Variants in THSD7B observed in about 807,000 individuals in gnomAD.
THSD7B encodes the protein thrombospondin type-1 domain-containing protein 7B.
A neutral mutation model predicts 213.6 loss-of-function variants in THSD7B; 138 were observed. That is an observed-to-expected ratio of 0.65 (90% CI 0.56 to 0.74). The LOEUF is 0.74. Ranked by LOEUF, THSD7B falls within the 30% of genes least tolerant of loss-of-function variation. THSD7B has a pLI of 0.00. For synonymous variants in THSD7B, 742 were observed against 687.0 expected (o/e 1.08, Z -1.25); for missense variants, 1,931 against 1,991.5 (o/e 0.97, Z 0.58).
chr2:136,852,954 C>A (rs1432256002), intron 1 of THSD7B, among the ~76,000 whole-genome samples: 2 of 152,164 alleles, frequency 1.3e-5, no homozygotes, highest in Non-Finnish European at 2.9e-5. Context: ...GAAAGTACTT[C>A]TGCCTTCCTA....
At chr2:137,557,196 T>C (rs1573706475) in intron 15 of THSD7B, among the ~76,000 whole-genome samples, 1 of 152,310 alleles carries the variant, frequency 6.6e-6, no homozygotes, top group Non-Finnish European at 1.5e-5. Flanking sequence ...GCAGACCTAA[T>C]AGACATCTAC....
chr2:137,121,534 TAGAAC>T, intron 5 of THSD7B, among the ~76,000 whole-genome samples: 1 of 152,192 alleles, frequency 6.6e-6, no homozygotes, highest in African/African-American at 2.4e-5. Context: ...ATGAATGACC[TAGAAC>T]TAGATATGAA....
At chr2:137,478,805 A>G (rs1428354442) in intron 15 of THSD7B, among the ~76,000 whole-genome samples, 1 of 152,114 alleles carries the variant, frequency 6.6e-6, no homozygotes, top group Non-Finnish European at 1.5e-5. Context: ...TATAGTTTTC[A>G]TATGATTTAT....
chr2:137,527,670 T>C (rs1192737977), intron 15 of THSD7B, among the ~76,000 whole-genome samples: 2 of 152,030 alleles, frequency 1.3e-5, no homozygotes, highest in Non-Finnish European at 2.9e-5. Flanking sequence ...GGCTCCCACA[T>C]AGACAATCAG....
intron 2 of THSD7B, among the ~76,000 whole-genome samples, chr2:136,889,059 TGAG>T (rs1367037169): frequency 2.6e-5 from 4 of 152,062 alleles, no homozygotes; most frequent in Admixed American, 6.6e-5. Flanking sequence ...TAGTATATAT[TGAG>T]GAGAGGATAT....
intron 9 of THSD7B, among the ~76,000 whole-genome samples, chr2:137,235,314 C>G (rs1345638304): frequency 6.6e-6 from 1 of 152,100 alleles, no homozygotes; most frequent in African/African-American, 2.4e-5. Flanking sequence ...ATGCAGCAAA[C>G]TATTATTCTT....
At chr2:137,262,761 C>G (rs372851318) in intron 10 of THSD7B, among the ~76,000 whole-genome samples, 1 of 152,070 alleles carries the variant, frequency 6.6e-6, no homozygotes, top group East Asian at 1.9e-4. Flanking sequence ...TGTGCTAAAT[C>G]GGTGGTTCTC....
chr2:136,883,804 A>G (rs1263066650), intron 2 of THSD7B, among the ~76,000 whole-genome samples: 4 of 152,178 alleles, frequency 2.6e-5, no homozygotes, highest in Admixed American at 2.0e-4. Flanking sequence ...AAGTTTCAGA[A>G]GTGAGGATCC....
chr2:137,037,113 T>C (rs1573781038), intron 2 of THSD7B, among the ~76,000 whole-genome samples: 1 of 152,168 alleles, frequency 6.6e-6, no homozygotes, highest in Non-Finnish European at 1.5e-5. Context: ...GACTAAGTCC[T>C]TTTTTTCCCC....
At chr2:137,537,077 A>G (rs1200517432) in intron 15 of THSD7B, among the ~76,000 whole-genome samples, 1 of 151,828 alleles carries the variant, frequency 6.6e-6, no homozygotes, top group Admixed American at 6.6e-5. Context: ...TACAAAAAAA[A>G]GAGTGAAGCA....
chr2:137,316,919 G>T (rs1684125116), intron 12 of THSD7B, among the ~76,000 whole-genome samples: 1 of 152,120 alleles, frequency 6.6e-6, no homozygotes, highest in Non-Finnish European at 1.5e-5. Flanking sequence ...ACTCCCAGCA[G>T]ATAATTAAGG....
chr2:137,253,854 C>T (rs376283597), intron 10 of THSD7B, among the ~76,000 whole-genome samples: 6 of 151,836 alleles, frequency 4.0e-5, no homozygotes, highest in African/African-American at 1.5e-4. Flanking sequence ...GTGTGGTTTC[C>T]GGAGGTTTTT....
At chr2:136,997,939 G>A (rs191692083) in intron 2 of THSD7B, among the ~76,000 whole-genome samples, 5 of 152,186 alleles carry the variant, frequency 3.3e-5, no homozygotes, top group Admixed American at 6.5e-5. Context: ...GCTACCAAGG[G>A]CAAAGGTAAG....
Position 137,240,588 on chromosome 2 carries a change from G to A in THSD7B, c.2151-1869G>A, listed in dbSNP as rs1482895414. On this transcript the variant is annotated intron_variant, in intron 9 of 27. Coordinates refer to ENST00000409968, the MANE Select transcript of THSD7B (RefSeq NM_001316349.2). ...TGCAGGGGTATGATCATAGCTTACT[G>A]CAGCCTTGAACTCCTGGGTTTCAGT... 3.9e-5 allele frequency among the ~76,000 whole-genome samples: 6 copies of A among 151,996 alleles called. No individual in the cohort carries two copies. The East Asian group carries it at 1.2e-3, about 30-fold the overall frequency.
chr2:137,083,259 A>C (rs1413803089), intron 3 of THSD7B, among the ~76,000 whole-genome samples: 1 of 152,154 alleles, frequency 6.6e-6, no homozygotes, highest in East Asian at 1.9e-4. Context: ...AAGTTACCTC[A>C]GCTTAATCTG....
intron 12 of THSD7B, among the ~76,000 whole-genome samples, chr2:137,376,185 C>T (rs182671664): frequency 1.4e-4 from 22 of 152,216 alleles, no homozygotes; most frequent in Non-Finnish European, 2.4e-4. Flanking sequence ...GTTACTGTTT[C>T]TAGAATGATT....
At chr2:137,328,735 T>C (rs1354292574) in intron 12 of THSD7B, among the ~76,000 whole-genome samples, 3 of 152,234 alleles carry the variant, frequency 2.0e-5, no homozygotes, top group African/African-American at 4.8e-5. Context: ...TGGGAGGTAA[T>C]TGAATCATAG....
intron 15 of THSD7B, among the ~76,000 whole-genome samples, chr2:137,463,983 G>C (rs1444855811): frequency 6.6e-6 from 1 of 152,056 alleles, no homozygotes; most frequent in Non-Finnish European, 1.5e-5. Context: ...CTGGTCCTCT[G>C]TGTAATCAGA....
intron 2 of THSD7B, among the ~76,000 whole-genome samples, chr2:137,010,461 G>A (rs764355680): frequency 1.1e-4 from 17 of 148,972 alleles, no homozygotes; most frequent in Admixed American, 9.9e-4. Flanking sequence ...CACGGTTATG[G>A]GTCTCTGCTA....
Sources: allele counts gnomAD v4.1 joint callset (sites outside exome capture counted in the v4.1 genomes callset), GRCh38; gene constraint gnomAD v4.1.1; transcripts MANE v1.5; gene names NCBI Gene and HGNC (gene_info 2026-07-23, HGNC 2026-07-21).